Variants in ARMC3 observed in about 807,000 individuals in gnomAD.
The protein encoded by ARMC3 is armadillo repeat-containing protein 3.
In ARMC3, 74 loss-of-function variants were observed where a neutral mutation model predicts 90.3. That is an observed-to-expected ratio of 0.82 (90% CI 0.68 to 0.99). The LOEUF is 0.99. Among genes scored for constraint, ARMC3 ranks in the 50% least tolerant of loss-of-function variants. ARMC3 has a pLI of 0.00. For synonymous variants in ARMC3, 334 were observed against 361.8 expected (o/e 0.92, Z 0.87); for missense variants, 958 against 1,042.8 (o/e 0.92, Z 1.12).
chr10:22,945,010 A>T (rs1279071007), intron 2 of ARMC3, among the ~76,000 whole-genome samples: 2 of 152,204 alleles, frequency 1.3e-5, no homozygotes, highest in Non-Finnish European at 2.9e-5. Flanking sequence ...GCCATAGAAA[A>T]ACAGCAGCTT....
chr10:23,030,992 T>C, intron 17 of ARMC3, 196 bp downstream of exon 17: 3 of 551,154 alleles, frequency 5.4e-6, no homozygotes, highest in East Asian at 3.1e-5. Context: ...GAATCAGAGA[T>C]AGCAGCTGGA....
intron 7 of ARMC3, among the ~76,000 whole-genome samples, chr10:22,963,912 C>CAA (rs1835318022): frequency 3.2e-5 from 1 of 31,516 alleles, no homozygotes; most frequent in African/African-American, 1.2e-4. Context: ...CACACACACA[C>CAA]ACACACACAC....
At chr10:22,991,430 A>G (rs1196964107) in intron 10 of ARMC3, among the ~76,000 whole-genome samples, 1 of 151,658 alleles carries the variant, frequency 6.6e-6, no homozygotes, top group Non-Finnish European at 1.5e-5. Flanking sequence ...CCTTGACTGT[A>G]GGTTTTTTTT....
At chr10:22,932,756 A>T (rs1833979422) in intron 2 of ARMC3, among the ~76,000 whole-genome samples, 1 of 152,222 alleles carries the variant, frequency 6.6e-6, no homozygotes, top group Admixed American at 6.5e-5. Flanking sequence ...ACTCACAGCA[A>T]TTTCAAATTT....
At position 22,964,623 on chromosome 10, in the gene ARMC3, G is replaced by C. The variant is rs7905261; in HGVS notation, c.732+2545G>C. 5.3e-4 allele frequency among the ~76,000 whole-genome samples: 80 copies of C among 151,672 alleles called. No individual in the cohort carries two copies. In the East Asian group the frequency reaches 0.014, roughly 27 times the overall value. On this transcript the variant is annotated intron_variant, in intron 7 of 18. Coordinates refer to ENST00000298032, the MANE Select transcript of ARMC3 (RefSeq NM_173081.5). ...CCAGCTAATTTTTGTATTTTTGGTT[G>C]GGGGGAGGGGTTTCACCATGTTGGC...
chr10:22,965,294 T>A (rs1835397060), intron 7 of ARMC3, among the ~76,000 whole-genome samples: 1 of 152,238 alleles, frequency 6.6e-6, no homozygotes, highest in Admixed American at 6.5e-5. Context: ...TGCTTCCTTT[T>A]GCCTTTAATT....
rs144767940 is a variant in ARMC3, at chr10:23,021,187, C to T, written c.2046-9409C>T. Reference sequence around the variant, plus strand: ...TATCGTATTCTATGGTGTATACATACGACATTTTTAAAAATCAAGTCCACT... The same window carrying T: ...TATCGTATTCTATGGTGTATACATATGACATTTTTAAAAATCAAGTCCACT... On this transcript the variant is annotated intron_variant, in intron 16 of 18. Coordinates refer to ENST00000298032, the MANE Select transcript of ARMC3 (RefSeq NM_173081.5). Among the ~76,000 whole-genome samples, 423 of 152,220 alleles carry T rather than the reference C, an allele frequency of 2.8e-3. 1 individual carries two copies. Among genetic ancestry groups the T allele is most frequent in the Admixed American group, 4.2e-3 (64 of 15,284 alleles).
intron 2 of ARMC3, among the ~76,000 whole-genome samples, chr10:22,932,373 A>C (rs969383630): frequency 6.6e-6 from 1 of 152,186 alleles, no homozygotes; most frequent in Non-Finnish European, 1.5e-5. Context: ...ATTTATGTTA[A>C]TTAATCAAGT....
At chr10:23,027,425 A>C (rs1163556149) in intron 16 of ARMC3, among the ~76,000 whole-genome samples, 2 of 152,110 alleles carry the variant, frequency 1.3e-5, no homozygotes, top group African/African-American at 4.8e-5. Flanking sequence ...TTTAATTTTG[A>C]TTTGCACATG....
At position 23,032,935 on chromosome 10, in the gene ARMC3, G is replaced by C; in HGVS notation, c.2321G>C (p.Ser774Thr). The change falls in exon 18 of 19, where the codon AGT becomes ACT. Residue 774 changes from serine to threonine, a missense_variant. Physicochemically the swap from Ser to Thr is moderately conservative, Grantham distance 58 (BLOSUM62 1). Transcript: ENST00000298032. Reference protein sequence around the residue: ...LPDFSWELHISELKFQLKSNV... With the variant: ...LPDFSWELHITELKFQLKSNV... Reference sequence around the variant, plus strand: ...GATTTCAGCTGGGAACTTCACATAAGTGAACTGAAATTTCAACTTAAATCC... The same window carrying C: ...GATTTCAGCTGGGAACTTCACATAACTGAACTGAAATTTCAACTTAAATCC... 1 of 1,613,126 alleles carries C rather than the reference G, an allele frequency of 6.2e-7. No homozygotes were observed. Among genetic ancestry groups the C allele is most frequent in the Non-Finnish European group, 8.5e-7 (1 of 1,179,470 alleles).
At chr10:23,015,736 CT>C (rs1432934018) in intron 16 of ARMC3, among the ~76,000 whole-genome samples, 2 of 152,188 alleles carry the variant, frequency 1.3e-5, no homozygotes, top group South Asian at 4.1e-4. Context: ...CCACTACCCT[CT>C]TTTTACCCAT....
chr10:22,979,419 C>A (rs775072564), intron 8 of ARMC3, among the ~76,000 whole-genome samples: 1 of 152,130 alleles, frequency 6.6e-6, no homozygotes, highest in South Asian at 2.1e-4. Context: ...ACAGTCCCAG[C>A]AAGGTTGAGA....
chr10:22,942,307 A>G (rs1231718551), intron 2 of ARMC3, among the ~76,000 whole-genome samples: 1 of 152,226 alleles, frequency 6.6e-6, no homozygotes, highest in South Asian at 2.1e-4. Context: ...TGGGTGCGGC[A>G]GGAAACCCAT....
intron 10 of ARMC3, among the ~76,000 whole-genome samples, chr10:22,994,257 G>C (rs1836850925): frequency 6.6e-6 from 1 of 152,142 alleles, no homozygotes; most frequent in Non-Finnish European, 1.5e-5. Flanking sequence ...GGGGAGCCCT[G>C]ATGTGGGAAA....
chr10:22,964,650 A>G (rs1835370288), intron 7 of ARMC3, among the ~76,000 whole-genome samples: 1 of 151,544 alleles, frequency 6.6e-6, no homozygotes, highest in African/African-American at 2.4e-5. Context: ...CATGTTGGCC[A>G]GGCTAGTCTC....
intron 16 of ARMC3, among the ~76,000 whole-genome samples, chr10:23,019,859 T>G (rs1056142996): frequency 1.3e-5 from 2 of 152,186 alleles, no homozygotes; most frequent in African/African-American, 4.8e-5. Context: ...CCTGTTAGTC[T>G]TTTTGAGAAT....
intron 1 of ARMC3, among the ~76,000 whole-genome samples, chr10:22,930,007 G>A (rs749760778): frequency 1.3e-5 from 2 of 152,150 alleles, no homozygotes; most frequent in Non-Finnish European, 2.9e-5. Flanking sequence ...GTGAAAATCA[G>A]ATGATTTAAA....
chr10:22,987,968 A>G (rs944495637), intron 10 of ARMC3, among the ~76,000 whole-genome samples: 11 of 152,156 alleles, frequency 7.2e-5, no homozygotes, highest in Non-Finnish European at 8.8e-5. Context: ...TGTGTTCCCT[A>G]TGGTCAGGAC....
At chr10:23,033,320 G>A (rs2131574274) in intron 18 of ARMC3, among the ~76,000 whole-genome samples, 1 of 152,050 alleles carries the variant, frequency 6.6e-6, no homozygotes, top group South Asian at 2.1e-4. Flanking sequence ...GGGCCTGAGA[G>A]TACAGAGATA....
Sources: gnomAD v4.1 joint callset for allele counts (sites outside exome capture counted in the v4.1 genomes callset) on GRCh38, gnomAD v4.1.1 for gene constraint, MANE v1.5 for transcripts, NCBI Gene and HGNC (gene_info 2026-07-23, HGNC 2026-07-21) for gene names.